The following DPP10 variants were observed in gnomAD, a reference collection of about 807,000 sequenced individuals.
The protein encoded by DPP10 is inactive dipeptidyl peptidase 10.
In DPP10, 33 loss-of-function variants were observed where a neutral mutation model predicts 120.9. The ratio of observed to expected loss-of-function variants is 0.27; its 90% CI spans 0.21 to 0.37. The LOEUF (loss-of-function observed/expected upper bound fraction) is 0.37, where lower values mean the gene tolerates loss of function less well. Among genes scored for constraint, DPP10 ranks in the 10% least tolerant of loss-of-function variants. The pLI, the probability that DPP10 is intolerant of heterozygous loss-of-function variation, is 1.00. For synonymous variants in DPP10, 337 were observed against 326.1 expected, an observed-to-expected ratio of 1.03 and a Z score of -0.36; for missense variants, 816 against 942.8, an observed-to-expected ratio of 0.87 and a Z score of 1.76.
intron 3 of DPP10, among the ~76,000 whole-genome samples, chr2:115,450,175 C>G (rs1218495961): frequency 6.6e-6 from 1 of 151,968 alleles, no homozygotes; most frequent in East Asian, 1.9e-4. Flanking sequence ...TTAGTCTAGC[C>G]TGTCTTCAGT....
intron 5 of DPP10, among the ~76,000 whole-genome samples, chr2:115,628,677 C>T (rs1322844821): frequency 6.6e-6 from 1 of 151,954 alleles, no homozygotes; most frequent in African/African-American, 2.4e-5. Flanking sequence ...TTTAATCTGT[C>T]TTGAGTTAAT....
At chr2:115,259,345 C>T (rs1462393282) in intron 1 of DPP10, among the ~76,000 whole-genome samples, 2 of 151,822 alleles carry the variant, frequency 1.3e-5, no homozygotes, top group Non-Finnish European at 2.9e-5. Context: ...TTAGATGGGC[C>T]TGGAGGCACA....
intron 3 of DPP10, among the ~76,000 whole-genome samples, chr2:115,414,472 C>T (rs892756760): frequency 3.3e-5 from 5 of 152,098 alleles, no homozygotes; most frequent in Non-Finnish European, 7.4e-5. Context: ...TAAATGAATA[C>T]AAATACATGA....
Position 115,842,457 on chromosome 2 carries a change from C to A in DPP10, c.*112C>A. The A allele has an allele frequency of 7.7e-7, 1 of 1,302,832 alleles. No homozygotes were observed. The highest frequency in any genetic ancestry group is 2.4e-4 in the Middle Eastern group (1 of 4,226). 80.7% of individuals were successfully genotyped at this position (1,302,832 alleles called of 1,614,324 possible). A position where few individuals can be genotyped will look rare whatever the true frequency, so the allele number is the denominator to read the frequency against. ...TGTCAAGGGCAGCTTACGGAGATGTCACTGGAGCAGCACGCTCAGAGACAG... is the reference window on the plus strand; with the variant it reads ...TGTCAAGGGCAGCTTACGGAGATGTAACTGGAGCAGCACGCTCAGAGACAG... On this transcript the variant is annotated 3_prime_UTR_variant, in exon 26 of 26. Coordinates refer to ENST00000410059, the MANE Select transcript of DPP10 (RefSeq NM_020868.6).
At chr2:114,474,507 A>G (rs1353824934) in intron 1 of DPP10, among the ~76,000 whole-genome samples, 3 of 152,178 alleles carry the variant, frequency 2.0e-5, no homozygotes, top group South Asian at 2.1e-4. Context: ...CTACCATGGT[A>G]TCTTTCTCAG....
chr2:115,414,185 T>C (rs192419267), intron 3 of DPP10, among the ~76,000 whole-genome samples: 155 of 152,312 alleles, frequency 1.0e-3, no homozygotes, highest in African/African-American at 3.5e-3. Context: ...CAGAATCTTA[T>C]TTGAAACTTA....
intron 3 of DPP10, among the ~76,000 whole-genome samples, chr2:115,476,589 G>C (rs1452281058): frequency 1.3e-5 from 2 of 152,118 alleles, no homozygotes; most frequent in Non-Finnish European, 2.9e-5. Flanking sequence ...GATATTGTAA[G>C]ATCTCACTAT....
At chr2:115,793,813 C>A (rs550651197) in intron 19 of DPP10, among the ~76,000 whole-genome samples, 9 of 151,778 alleles carry the variant, frequency 5.9e-5, no homozygotes, top group Middle Eastern at 3.2e-3. Flanking sequence ...GGGAAATTAT[C>A]GAAAGCGTCA....
At chr2:115,745,923 G>A in intron 9 of DPP10, among the ~76,000 whole-genome samples, 163 bp from the exon 10 acceptor site, 1 of 152,142 alleles carries the variant, frequency 6.6e-6, no homozygotes, top group East Asian at 1.9e-4. Context: ...AAACAATTGA[G>A]GGCAATCATG....
At chr2:114,498,887 G>A (rs2104498024) in intron 1 of DPP10, among the ~76,000 whole-genome samples, 1 of 152,256 alleles carries the variant, frequency 6.6e-6, no homozygotes, top group East Asian at 1.9e-4. Flanking sequence ...GTCAAGACAT[G>A]GAACCAACCT....
Position 114,915,077 on chromosome 2 carries a change from G to A in DPP10, c.61-394162G>A, listed in dbSNP as rs541952414. On this transcript the variant is annotated intron_variant, in intron 1 of 25. Coordinates refer to ENST00000410059, the MANE Select transcript of DPP10 (RefSeq NM_020868.6). Reference sequence around the variant, plus strand: ...ACCCGGGAGGCGGAGCTTGCAGTGAGCCGAGATCCCGCCACTGCACCCCAG... The same window carrying A: ...ACCCGGGAGGCGGAGCTTGCAGTGAACCGAGATCCCGCCACTGCACCCCAG... Among the ~76,000 whole-genome samples the A allele has an allele frequency of 6.6e-5, 10 of 151,746 alleles. No homozygotes were observed. The East Asian group carries it at 1.9e-3, about 30-fold the overall frequency.
intron 5 of DPP10, among the ~76,000 whole-genome samples, chr2:115,635,877 C>G (rs1303123842): frequency 1.3e-5 from 2 of 152,104 alleles, no homozygotes; most frequent in Admixed American, 6.5e-5. Context: ...AAAGAATTAT[C>G]AATACATTCT....
chr2:114,581,229 G>A (rs1690497137), intron 1 of DPP10, among the ~76,000 whole-genome samples: 1 of 125,930 alleles, frequency 7.9e-6, no homozygotes, highest in African/African-American at 3.0e-5. Context: ...CGCCCAGGCT[G>A]GATGGAGTGC....
intron 1 of DPP10, among the ~76,000 whole-genome samples, chr2:114,591,555 T>A (rs1284591964): frequency 1.1e-5 from 1 of 88,682 alleles, no homozygotes; most frequent in South Asian, 3.8e-4. Context: ...CCTCTTCCTA[T>A]TTTTTTTTTT....
chr2:115,380,310 CCTT>C (rs1407742053), intron 3 of DPP10, among the ~76,000 whole-genome samples: 1 of 152,132 alleles, frequency 6.6e-6, no homozygotes, highest in Admixed American at 6.5e-5. Flanking sequence ...TATTTAATGG[CCTT>C]CTTTGTCTCT....
chr2:115,206,186 G>C (rs755005913), intron 1 of DPP10, among the ~76,000 whole-genome samples: 9 of 152,264 alleles, frequency 5.9e-5, no homozygotes, highest in South Asian at 2.1e-4. Flanking sequence ...TACGGACTAT[G>C]AGGACAAGAA....
At chr2:114,888,842 A>G (rs1692304323) in intron 1 of DPP10, among the ~76,000 whole-genome samples, 1 of 152,148 alleles carries the variant, frequency 6.6e-6, no homozygotes. Context: ...AGAACTCTTC[A>G]TTTACACACA....
chr2:115,482,853 A>G (rs950723623), intron 3 of DPP10, among the ~76,000 whole-genome samples: 1 of 151,728 alleles, frequency 6.6e-6, no homozygotes, highest in South Asian at 2.1e-4. Context: ...TCTTTTCATT[A>G]TGTGTGGGTG....
At chr2:115,805,015 C>T (rs989686104) in intron 19 of DPP10, among the ~76,000 whole-genome samples, 6 of 152,182 alleles carry the variant, frequency 3.9e-5, no homozygotes, top group African/African-American at 1.4e-4. Context: ...TTTGTCTGTG[C>T]CCTGCCCCCA....
Sources: allele counts gnomAD v4.1 joint callset (sites outside exome capture counted in the v4.1 genomes callset), GRCh38; gene constraint gnomAD v4.1.1; transcripts MANE v1.5; gene names NCBI Gene and HGNC (gene_info 2026-07-23, HGNC 2026-07-21).